The following PRKN variants were observed in gnomAD, a reference collection of about 807,000 sequenced individuals.
PRKN encodes the protein E3 ubiquitin-protein ligase parkin.
A neutral mutation model predicts 59.5 loss-of-function variants in PRKN; 56 were observed. The observed-to-expected ratio is 0.94, with a 90% CI of 0.76 to 1.18. PRKN has a LOEUF of 1.18. Ranked by LOEUF, PRKN falls within the 50% of genes most tolerant of loss-of-function variation. PRKN has a pLI of 0.00. For missense variants in PRKN, 657 were observed against 596.4 expected (o/e 1.10, Z -1.06); for synonymous variants, 250 against 222.1 (o/e 1.13, Z -1.12).
intron 7 of PRKN, among the ~76,000 whole-genome samples, chr6:161,652,703 T>C (rs547172338): frequency 1.1e-4 from 16 of 152,272 alleles, no homozygotes; most frequent in Non-Finnish European, 2.2e-4. Context: ...ATGATTCTAA[T>C]GGAGAAGATA....
chr6:161,423,045 AT>A lies in PRKN; in HGVS notation c.1084-36169del, dbSNP rs1368061215. 6.6e-6 allele frequency among the ~76,000 whole-genome samples: 1 copy of A among 152,182 alleles called. No homozygotes were observed. Among genetic ancestry groups the A allele is most frequent in the Non-Finnish European group, 1.5e-5 (1 of 68,040 alleles). The stretch of plus-strand genomic sequence containing the variant: ...TTATATTTCCTATAAATCCATTTAC[AT>A]GTCAGTATCGTAGTGAGAAATGCAC... On this transcript the variant is annotated intron_variant, in intron 9 of 11. Coordinates refer to ENST00000366898, the MANE Select transcript of PRKN (RefSeq NM_004562.3). The surrounding 1 kb of genome is among the most constrained non-coding windows in gnomAD (Gnocchi z 5.9).
intron 5 of PRKN, among the ~76,000 whole-genome samples, chr6:162,041,161 G>A (rs1784056800): frequency 6.6e-6 from 1 of 152,030 alleles, no homozygotes; most frequent in African/African-American, 2.4e-5. Flanking sequence ...CTCCAGCCTA[G>A]GTGACAGAGT....
At chr6:162,147,446 T>A (rs1782081670) in intron 4 of PRKN, among the ~76,000 whole-genome samples, 1 of 149,394 alleles carries the variant, frequency 6.7e-6, no homozygotes, top group Non-Finnish European at 1.5e-5. Context: ...TGTTGCAACC[T>A]CAAGGGAACA....
chr6:162,544,639 CATTT>C (rs1374506294), intron 1 of PRKN, among the ~76,000 whole-genome samples: 1 of 149,392 alleles, frequency 6.7e-6, no homozygotes, highest in African/African-American at 2.5e-5. Context: ...TGCGATCTCA[CATTT>C]ATTTTATTTT....
At chr6:162,622,782 G>C (rs1782728211) in intron 1 of PRKN, among the ~76,000 whole-genome samples, 1 of 152,130 alleles carries the variant, frequency 6.6e-6, no homozygotes, top group South Asian at 2.1e-4. Context: ...AACATTCTGT[G>C]GGTTTCATGA....
intron 2 of PRKN, among the ~76,000 whole-genome samples, chr6:162,393,723 T>C (rs1787337496): frequency 6.6e-6 from 1 of 152,224 alleles, no homozygotes; most frequent in Non-Finnish European, 1.5e-5. Flanking sequence ...AGCAAATTTA[T>C]TTTTGGATAT....
chr6:162,491,710 C>T (rs140175643), intron 1 of PRKN, among the ~76,000 whole-genome samples: 200 of 152,250 alleles, frequency 1.3e-3, no homozygotes, highest in African/African-American at 4.6e-3. Flanking sequence ...GCCTTTGAGG[C>T]CCATTCGTCA....
Position 161,471,712 on chromosome 6 carries a change from A to T in PRKN, c.1083+77142T>A, listed in dbSNP as rs1394345841. ...AAGATTACAGAACCGACTTTTAGAG[A>T]AGAGTTTAAATCCCAGTACTAGAAT... On this transcript the variant is annotated intron_variant, in intron 9 of 11. Transcript: ENST00000366898. This position sits in a 1 kb window ranked among gnomAD's most constrained non-coding sequence, Gnocchi z 4.5. Among the ~76,000 whole-genome samples the T allele has an allele frequency of 6.6e-6, 1 of 152,176 alleles. No homozygotes were observed. Among genetic ancestry groups the T allele is most frequent in the African/African-American group, 2.4e-5 (1 of 41,436 alleles).
chr6:162,197,347 T>G (rs1005785992), intron 4 of PRKN, among the ~76,000 whole-genome samples: 1 of 152,184 alleles, frequency 6.6e-6, no homozygotes, highest in African/African-American at 2.4e-5. Flanking sequence ...ATTGAAAAAT[T>G]GAAACATCTG....
chr6:162,471,677 T>C (rs940893381), intron 1 of PRKN, among the ~76,000 whole-genome samples: 1 of 152,224 alleles, frequency 6.6e-6, no homozygotes, highest in African/African-American at 2.4e-5. Flanking sequence ...ATTATTAGAA[T>C]TCATAAATTA....
intron 6 of PRKN, among the ~76,000 whole-genome samples, chr6:161,875,021 A>C (rs796775621): frequency 9.2e-6 from 1 of 108,484 alleles, no homozygotes; most frequent in Non-Finnish European, 1.6e-5. Flanking sequence ...TTATATATAA[A>C]GTATATAATA....
At chr6:161,703,129 C>A (rs958381774) in intron 7 of PRKN, among the ~76,000 whole-genome samples, 3 of 151,226 alleles carry the variant, frequency 2.0e-5, no homozygotes, top group Admixed American at 2.0e-4. Context: ...ACTAGTGAGA[C>A]CTATTGCTAC....
At chr6:162,562,578 G>C (rs1335946049) in intron 1 of PRKN, among the ~76,000 whole-genome samples, 1 of 152,158 alleles carries the variant, frequency 6.6e-6, no homozygotes, top group Non-Finnish European at 1.5e-5. Flanking sequence ...TCATGGTCTG[G>C]GGTAGTGGTG....
intron 3 of PRKN, among the ~76,000 whole-genome samples, chr6:162,239,423 T>A (rs1409281676): frequency 6.6e-6 from 1 of 152,170 alleles, no homozygotes; most frequent in East Asian, 1.9e-4. Context: ...TATTTTATGA[T>A]GTAAAGGTTT....
chr6:162,174,053 G>A (rs550560867), intron 4 of PRKN, among the ~76,000 whole-genome samples: 1 of 152,196 alleles, frequency 6.6e-6, no homozygotes, highest in South Asian at 2.1e-4. Context: ...AAATGTTAAG[G>A]AAGAGAGGGC....
intron 4 of PRKN, among the ~76,000 whole-genome samples, chr6:162,115,059 G>A (rs201028772): frequency 1.3e-4 from 19 of 151,540 alleles, no homozygotes; most frequent in Admixed American, 2.0e-4. Flanking sequence ...TGTTTATTGC[G>A]GCATTATTCA....
In PRKN at chr6:161,527,876, C is replaced by G; in HGVS notation, c.1083+20978G>C. Among the ~76,000 whole-genome samples, 1 of 152,182 alleles carries G rather than the reference C, an allele frequency of 6.6e-6. No homozygotes were observed. ...ATGGACCTTCACAGACACCGTTTCTCTAGGTCAGCTCAGTTTACCCCAAGG... is the reference window on the plus strand; with the variant it reads ...ATGGACCTTCACAGACACCGTTTCTGTAGGTCAGCTCAGTTTACCCCAAGG... On this transcript the variant is annotated intron_variant, in intron 9 of 11. Transcript: ENST00000366898. This position sits in a 1 kb window ranked among gnomAD's most constrained non-coding sequence, Gnocchi z 4.6.
intron 1 of PRKN, chr6:162,569,484 A>C (rs1780220971): frequency 1.6e-5 from 11 of 689,804 alleles, no homozygotes; most frequent in Non-Finnish European, 1.9e-5. Context: ...AGCCACCTGG[A>C]GTCTGGGATG....
At chr6:162,093,465 C>A (rs1779595181) in intron 4 of PRKN, among the ~76,000 whole-genome samples, 1 of 152,128 alleles carries the variant, frequency 6.6e-6, no homozygotes, top group African/African-American at 2.4e-5. Flanking sequence ...CATATCTTTT[C>A]TCTTTAACAC....
Sources: allele counts gnomAD v4.1 joint callset (sites outside exome capture counted in the v4.1 genomes callset), GRCh38; gene constraint gnomAD v4.1.1; non-coding constraint Gnocchi (gnomAD v3.1); transcripts MANE v1.5; gene names NCBI Gene and HGNC (gene_info 2026-07-23, HGNC 2026-07-21).